Variants in SENP6 observed in about 807,000 individuals in gnomAD.
The protein encoded by SENP6 is sentrin-specific protease 6.
SENP6 carries 41 observed loss-of-function variants against 134.5 expected under a neutral mutation model. The ratio of observed to expected loss-of-function variants is 0.30; its 90% CI spans 0.24 to 0.40. The LOEUF is 0.40. Ranked by LOEUF, SENP6 falls within the 10% of genes least tolerant of loss-of-function variation. The probability of loss-of-function intolerance (pLI) is 1.00; values close to 1 mark genes in which losing one functional copy is unlikely to be tolerated. For missense variants in SENP6, 1,248 were observed against 1,312.5 expected, an observed-to-expected ratio of 0.95 and a Z score of 0.76; for synonymous variants, 395 against 429.8, an observed-to-expected ratio of 0.92 and a Z score of 1.00.
At chr6:75,696,854 C>A (rs938384267) in intron 17 of SENP6, among the ~76,000 whole-genome samples, 2 of 152,098 alleles carry the variant, frequency 1.3e-5, no homozygotes, top group African/African-American at 2.4e-5. Flanking sequence ...AAAAGATACA[C>A]TTAAGAATTG....
At chr6:75,707,494 G>A (rs1775484241) in intron 19 of SENP6, among the ~76,000 whole-genome samples, 1 of 150,532 alleles carries the variant, frequency 6.6e-6, no homozygotes, top group Non-Finnish European at 1.5e-5. Flanking sequence ...CCCCTGAGTA[G>A]CTGGGACTAT....
chr6:75,663,072 T>A (rs984529095), intron 8 of SENP6, 149 bp from the exon 9 acceptor site: 5 of 653,716 alleles, frequency 7.6e-6, no homozygotes, highest in Non-Finnish European at 1.3e-5. Flanking sequence ...TTTGAGGGGA[T>A]TCCTTAATGA....
At chr6:75,607,604 G>C (rs1264206260) in intron 1 of SENP6, among the ~76,000 whole-genome samples, 2 of 151,068 alleles carry the variant, frequency 1.3e-5, no homozygotes, top group Non-Finnish European at 2.9e-5. Context: ...TTTTCCTGAA[G>C]TAACTTTTTT....
intron 2 of SENP6, 78 bp from the exon 3 acceptor site, chr6:75,623,822 A>T: frequency 7.8e-7 from 1 of 1,278,620 alleles, no homozygotes; most frequent in Non-Finnish European, 1.1e-6. Context: ...TTAGGTGAAC[A>T]TAGAGGATAA....
In SENP6 at chr6:75,640,500, T is replaced by C. The variant is rs556044561; in HGVS notation, c.459-184T>C. 1.4e-3 allele frequency among the ~76,000 whole-genome samples: 207 copies of C among 152,096 alleles called. 1 individual carries two copies. Among genetic ancestry groups the C allele is most frequent in the Non-Finnish European group, 2.6e-3 (175 of 67,968 alleles). ...CTTCCTGTTTGTTTATTTTGTATAT[T>C]GACAGAAATCGAAAAACAATTTAGA... On this transcript the variant is annotated intron_variant, in intron 5 of 23. Coordinates refer to ENST00000447266, the MANE Select transcript of SENP6 (RefSeq NM_015571.4).
chr6:75,630,380 T>A (rs1769020615), intron 3 of SENP6, among the ~76,000 whole-genome samples: 1 of 152,146 alleles, frequency 6.6e-6, no homozygotes, highest in African/African-American at 2.4e-5. Context: ...TTTAGGTAAT[T>A]TATCTGCTAG....
intron 7 of SENP6, among the ~76,000 whole-genome samples, chr6:75,652,988 G>A (rs918557189): frequency 6.6e-6 from 1 of 151,874 alleles, no homozygotes; most frequent in African/African-American, 2.4e-5. Flanking sequence ...TATCTTTGAT[G>A]TATATATCTT....
intron 1 of SENP6, among the ~76,000 whole-genome samples, chr6:75,614,810 T>A (rs1767728076): frequency 1.3e-5 from 2 of 152,162 alleles, no homozygotes; most frequent in African/African-American, 2.4e-5. Context: ...AGAAATTAGA[T>A]GTTTGCTGAA....
At position 75,602,517 on chromosome 6, in the gene SENP6, G is replaced by A. The variant is rs764981590; in HGVS notation, c.-8G>A. On this transcript the variant is annotated 5_prime_UTR_variant, in exon 1 of 24. Coordinates refer to ENST00000447266, the MANE Select transcript of SENP6 (RefSeq NM_015571.4). ...GGATTAAGAAGGAGGCGGCGTGGGAGGAGGAAGATGGCGGCCGGCAAGAGC... is the reference window on the plus strand; with the variant it reads ...GGATTAAGAAGGAGGCGGCGTGGGAAGAGGAAGATGGCGGCCGGCAAGAGC... The A allele has an allele frequency of 1.0e-5, 16 of 1,551,280 alleles. No individual in the cohort carries two copies. The South Asian group carries it at 1.9e-4, about 18-fold the overall frequency.
chr6:75,644,914 G>A (rs1270518310), intron 6 of SENP6, among the ~76,000 whole-genome samples: 2 of 152,150 alleles, frequency 1.3e-5, no homozygotes, highest in African/African-American at 4.8e-5. Flanking sequence ...AATTGTCTTC[G>A]TAACTTTTCT....
intron 16 of SENP6, among the ~76,000 whole-genome samples, chr6:75,686,398 T>G (rs1773843089): frequency 6.6e-6 from 1 of 152,230 alleles, no homozygotes; most frequent in Non-Finnish European, 1.5e-5. Context: ...CATTTACATT[T>G]AAAGTTAACA....
chr6:75,660,596 T>C (rs1771697389), intron 8 of SENP6, among the ~76,000 whole-genome samples: 1 of 152,108 alleles, frequency 6.6e-6, no homozygotes, highest in South Asian at 2.1e-4. Flanking sequence ...CTTCTCTGCT[T>C]TTTAGTATAA....
At chr6:75,602,924 G>T (rs779569069) in intron 1 of SENP6, among the ~76,000 whole-genome samples, 8 of 152,198 alleles carry the variant, frequency 5.3e-5, no homozygotes, top group Non-Finnish European at 8.8e-5. Context: ...ATCTTGTCTG[G>T]TGTTCATGAA....
In SENP6 at chr6:75,709,529, G is replaced by A; in HGVS notation, c.2719G>A (p.Gly907Ser). 1 of 1,611,318 alleles carries A rather than the reference G, an allele frequency of 6.2e-7. No homozygotes were observed. Among genetic ancestry groups the A allele is most frequent in the Non-Finnish European group, 8.5e-7 (1 of 1,177,748 alleles). Residue 907 changes from glycine (G) to serine (S), a missense_variant and splice_region_variant, in exon 20 of 24, where the codon GGC becomes AGC. Gly to Ser is a moderately conservative substitution (Grantham distance 56). Around this residue, in one of 3 missense-constraint regions of SENP6, gnomAD observed 386 missense variants for 395.0 expected, o/e 0.98. Coordinates refer to ENST00000447266, the MANE Select transcript of SENP6 (RefSeq NM_015571.4). Reference protein sequence around the residue: ...ESLSSTHHTDGLSKIRLNYSD... With the variant: ...ESLSSTHHTDSLSKIRLNYSD... The stretch of plus-strand genomic sequence containing the variant: ...TGTAATGTTTCTTATTGATACAGAT[G>A]GCTTAAGCAAAATCAGACTAAACTA...
chr6:75,708,247 A>G (rs1427279429), intron 19 of SENP6, among the ~76,000 whole-genome samples: 2 of 152,160 alleles, frequency 1.3e-5, no homozygotes, highest in Non-Finnish European at 1.5e-5. Context: ...TTTTTAGTAG[A>G]GACAGGGTTT....
intron 9 of SENP6, among the ~76,000 whole-genome samples, chr6:75,666,100 A>C (rs1197614344): frequency 6.8e-6 from 1 of 146,584 alleles, no homozygotes; most frequent in African/African-American, 2.5e-5. Context: ...TATATGATAT[A>C]TATAAAATGT....
rs370016028 is a variant in SENP6 at position 75,709,603 on chromosome 6, C to T, written c.2793C>T (p.Val931=). Residue 931 remains valine (V), a synonymous_variant, in exon 20 of 24, where the codon GTC becomes GTT. Transcript: ENST00000447266. ...EAGKMLEDEL[V]DFSEDQDNQD... is the part of the protein sequence containing the mutation. ...GTAAAATGCTTGAAGATGAACTCGT[C>T]GACTTCTCAGAAGATCAGGATAACC... is the stretch of plus-strand genomic sequence containing the variant. 7.4e-6 allele frequency: 12 copies of T among 1,613,530 alleles called. No individual in the cohort carries two copies. The highest frequency in any genetic ancestry group is 4.0e-5 in the African/African-American group (3 of 74,890).
At position 75,617,263 on chromosome 6, in the gene SENP6, C is replaced by CTTTTTTTTTTTT. The variant is rs71002751; in HGVS notation, c.53-4253_53-4242dup. 5.2e-5 allele frequency among the ~76,000 whole-genome samples: 3 copies of CTTTTTTTTTTTT among 58,092 alleles called. 1 individual carries two copies. Among genetic ancestry groups the CTTTTTTTTTTTT allele is most frequent in the Non-Finnish European group, 9.3e-5 (3 of 32,386 alleles). The allele number at this position is 58,092 out of a possible 152,430, so 38.1% of individuals were successfully genotyped here. A position where few individuals can be genotyped will look rare whatever the true frequency, so the allele number is the denominator to read the frequency against. ...GATGGTTTGGAGAATTTCTTTCTTT[C>CTTTTTTTTTTTT]TTTTTTTTTTTTTTTTTTTTTTTTT... On this transcript the variant is annotated intron_variant, in intron 1 of 23. Coordinates refer to ENST00000447266, the MANE Select transcript of SENP6 (RefSeq NM_015571.4).
chr6:75,650,478 T>C (rs1770782591), intron 7 of SENP6, among the ~76,000 whole-genome samples: 2 of 152,184 alleles, frequency 1.3e-5, no homozygotes, highest in Non-Finnish European at 2.9e-5. Context: ...TTGTCTAATG[T>C]TGATTTTCTG....
Sources: gnomAD v4.1 joint callset for allele counts (sites outside exome capture counted in the v4.1 genomes callset) on GRCh38, gnomAD v4.1.1 for gene constraint, gnomAD v4.1.1 regional missense constraint, MANE v1.5 for transcripts, NCBI Gene and HGNC (gene_info 2026-07-23, HGNC 2026-07-21) for gene names.